Variants in SPAG16 observed in about 807,000 individuals in gnomAD.
SPAG16 encodes the protein sperm-associated antigen 16 protein.
A neutral mutation model predicts 80.4 loss-of-function variants in SPAG16; 86 were observed. That is an observed-to-expected ratio of 1.07 (90% CI 0.90 to 1.28). The LOEUF (loss-of-function observed/expected upper bound fraction) is 1.28, where lower values mean the gene tolerates loss of function less well. Among genes scored for constraint, SPAG16 ranks in the 50% most tolerant of loss-of-function variants. The probability of loss-of-function intolerance (pLI) is 0.00; values close to 1 mark genes in which losing one functional copy is unlikely to be tolerated. For missense variants in SPAG16, 870 were observed against 765.3 expected (o/e 1.14, Z -1.61); for synonymous variants, 294 against 265.9 (o/e 1.11, Z -1.03).
chr2:214,243,293 A>T (rs1156234922), intron 15 of SPAG16, among the ~76,000 whole-genome samples: 1 of 152,136 alleles, frequency 6.6e-6, no homozygotes, highest in African/African-American at 2.4e-5. Context: ...GTGGTCCCTT[A>T]AGATGAACCA....
intron 9 of SPAG16, among the ~76,000 whole-genome samples, chr2:213,486,622 T>C (rs2073987779): frequency 6.6e-6 from 1 of 152,074 alleles, no homozygotes; most frequent in Non-Finnish European, 1.5e-5. Flanking sequence ...TAATTCCAAC[T>C]GGCCCATAAA....
At chr2:214,273,695 G>A (rs1692215193) in intron 15 of SPAG16, among the ~76,000 whole-genome samples, 2 of 151,950 alleles carry the variant, frequency 1.3e-5, no homozygotes, top group South Asian at 4.2e-4. Context: ...TTTGGTTACT[G>A]TACCCTTGTA....
At chr2:213,977,435 GC>G (rs143265667) in intron 12 of SPAG16, among the ~76,000 whole-genome samples, 20 of 151,336 alleles carry the variant, frequency 1.3e-4, no homozygotes, top group Non-Finnish European at 2.7e-4. Context: ...GCAGGTTACT[GC>G]CCCCCCCATA....
intron 10 of SPAG16, among the ~76,000 whole-genome samples, chr2:213,549,607 T>C (rs1005335049): frequency 2.0e-5 from 3 of 152,164 alleles, no homozygotes; most frequent in Admixed American, 1.3e-4. Context: ...AGTCCAACAT[T>C]CTCCATGTGG....
In SPAG16 at chr2:213,891,458, C is replaced by G. The variant is rs148691668; in HGVS notation, c.1214+28830C>G. Among the ~76,000 whole-genome samples the G allele has an allele frequency of 8.6e-4, 131 of 152,216 alleles. 1 individual carries two copies. The highest frequency in any genetic ancestry group is 1.5e-3 in the Admixed American group (23 of 15,264). On this transcript the variant is annotated intron_variant, in intron 11 of 15. Coordinates refer to ENST00000331683, the MANE Select transcript of SPAG16 (RefSeq NM_024532.5). ...ATCATTCTGAGGTGATCTGACCCTA[C>G]ACTGACAATAACAGTTGTCAGTAGA...
intron 15 of SPAG16, chr2:214,239,639 A>T (rs1353940939): frequency 6.6e-6 from 1 of 152,182 alleles, no homozygotes; most frequent in East Asian, 1.9e-4. Context: ...TTTGCAGCCT[A>T]CCATGCCAAA....
At chr2:213,694,428 T>G (rs1194398204) in intron 10 of SPAG16, among the ~76,000 whole-genome samples, 1 of 152,220 alleles carries the variant, frequency 6.6e-6, no homozygotes, top group Non-Finnish European at 1.5e-5. Context: ...AACACTATCA[T>G]TCATTTATTT....
chr2:214,222,378 A>G (rs1266569621), intron 15 of SPAG16, among the ~76,000 whole-genome samples: 1 of 151,998 alleles, frequency 6.6e-6, no homozygotes, highest in Non-Finnish European at 1.5e-5. Flanking sequence ...TGGCCTCCCA[A>G]AGTGCTGAGA....
chr2:213,316,951 T>C (rs1052192872), intron 4 of SPAG16, among the ~76,000 whole-genome samples: 5 of 152,034 alleles, frequency 3.3e-5, no homozygotes, highest in Non-Finnish European at 7.4e-5. Flanking sequence ...CGTAGACATT[T>C]TTGTCAATTT....
chr2:213,406,961 A>G (rs1037425728), intron 9 of SPAG16, among the ~76,000 whole-genome samples: 3 of 150,934 alleles, frequency 2.0e-5, no homozygotes, highest in African/African-American at 4.9e-5. Flanking sequence ...AAAAAAAGGG[A>G]AAAGAAACTG....
intron 13 of SPAG16, among the ~76,000 whole-genome samples, chr2:214,034,230 C>T (rs1489598541): frequency 6.6e-6 from 1 of 152,236 alleles, no homozygotes; most frequent in East Asian, 1.9e-4. Context: ...GTGTCATTAA[C>T]GGTGATGTTA....
At chr2:213,694,772 C>G (rs1266187639) in intron 10 of SPAG16, among the ~76,000 whole-genome samples, 1 of 129,944 alleles carries the variant, frequency 7.7e-6, no homozygotes, top group African/African-American at 2.5e-5. Context: ...TTCTCTTTTC[C>G]TTCTTTCCTT....
In SPAG16 at chr2:214,222,709, A is replaced by T. The variant is rs529184763; in HGVS notation, c.1720+73443A>T. Among the ~76,000 whole-genome samples, 89 of 152,320 alleles carry T rather than the reference A, an allele frequency of 5.8e-4. 1 individual carries two copies. In the South Asian group the frequency reaches 0.017, roughly 30 times the overall value. The stretch of plus-strand genomic sequence containing the variant: ...CCATTTTTAGTCAAGTTCTGTGACT[A>T]ATCAAGCTAAAACATACATTTTCAA... On this transcript the variant is annotated intron_variant, in intron 15 of 15. Transcript: ENST00000331683.
chr2:213,953,619 GAA>G (rs1007100399), intron 12 of SPAG16, among the ~76,000 whole-genome samples: 1 of 151,416 alleles, frequency 6.6e-6, no homozygotes, highest in Non-Finnish European at 1.5e-5. Flanking sequence ...AAATTAAAAA[GAA>G]AAAAATTTTT....
chr2:214,345,455 T>A (rs1443273002), intron 15 of SPAG16, among the ~76,000 whole-genome samples: 3 of 152,178 alleles, frequency 2.0e-5, no homozygotes, highest in Admixed American at 6.5e-5. Flanking sequence ...AGACTTTTTT[T>A]AATTTCTTGC....
chr2:213,969,633 T>G (rs2044907848), intron 12 of SPAG16, among the ~76,000 whole-genome samples: 1 of 152,190 alleles, frequency 6.6e-6, no homozygotes, highest in Admixed American at 6.5e-5. Context: ...AATACTGAAT[T>G]TACTGGCACC....
chr2:213,533,628 G>A (rs2076146911), intron 10 of SPAG16, among the ~76,000 whole-genome samples: 1 of 151,882 alleles, frequency 6.6e-6, no homozygotes, highest in Non-Finnish European at 1.5e-5. Context: ...AAATTAATGT[G>A]GGATTATTTC....
At chr2:213,376,313 A>T (rs184974608) in intron 9 of SPAG16, among the ~76,000 whole-genome samples, 3 of 152,146 alleles carry the variant, frequency 2.0e-5, no homozygotes, top group African/African-American at 4.8e-5. Flanking sequence ...CTTACTGCTT[A>T]TAAGAGTTTA....
intron 8 of SPAG16, chr2:213,365,451 A>G (rs1347953587): frequency 1.3e-5 from 2 of 148,908 alleles, no homozygotes; most frequent in African/African-American, 4.8e-5. Flanking sequence ...AAGTAGAATA[A>G]CTAAAATGAA....
Sources: allele counts gnomAD v4.1 joint callset (sites outside exome capture counted in the v4.1 genomes callset), GRCh38; gene constraint gnomAD v4.1.1; transcripts MANE v1.5; gene names NCBI Gene and HGNC (gene_info 2026-07-23, HGNC 2026-07-21).